STON2: variants seen among roughly 807,000 people sequenced by gnomAD.
The protein encoded by STON2 is stonin-2.
STON2 carries 29 observed loss-of-function variants against 65.7 expected under a neutral mutation model. The observed-to-expected ratio is 0.44, with a 90% CI of 0.33 to 0.60. The LOEUF is 0.60. Ranked by LOEUF, STON2 falls within the 20% of genes least tolerant of loss-of-function variation. The pLI, the probability that STON2 is intolerant of heterozygous loss-of-function variation, is 0.03. For missense variants in STON2, 1,054 were observed against 1,118.1 expected, an observed-to-expected ratio of 0.94 and a Z score of 0.82; for synonymous variants, 404 against 414.2, an observed-to-expected ratio of 0.98 and a Z score of 0.30.
intron 4 of STON2, among the ~76,000 whole-genome samples, chr14:81,348,612 T>C (rs1158291169): frequency 6.6e-6 from 1 of 152,068 alleles, no homozygotes; most frequent in Non-Finnish European, 1.5e-5. Context: ...ATCAAAAAAA[T>C]GGAAAGACAT....
At chr14:81,355,752 T>C (rs1288229191) in intron 4 of STON2, among the ~76,000 whole-genome samples, 1 of 152,204 alleles carries the variant, frequency 6.6e-6, no homozygotes, top group Non-Finnish European at 1.5e-5. Flanking sequence ...CCTAGGTATT[T>C]TATTGTCTTT....
At chr14:81,397,766 G>T (rs1233762295) in intron 2 of STON2, among the ~76,000 whole-genome samples, 1 of 152,104 alleles carries the variant, frequency 6.6e-6, no homozygotes, top group Non-Finnish European at 1.5e-5. Flanking sequence ...CTTTCCACGT[G>T]CCAGGCACTG....
At chr14:81,363,589 T>C (rs1898592138) in intron 4 of STON2, among the ~76,000 whole-genome samples, 1 of 151,966 alleles carries the variant, frequency 6.6e-6, no homozygotes, top group African/African-American at 2.4e-5. Flanking sequence ...TGAGGTCAAA[T>C]TTGTTAATGA....
chr14:81,273,747 G>A (rs1354643843), intron 6 of STON2, among the ~76,000 whole-genome samples: 2 of 152,174 alleles, frequency 1.3e-5, no homozygotes, highest in East Asian at 3.9e-4. Context: ...GCAACACAAG[G>A]GTGCTGACCT....
At position 81,278,223 on chromosome 14, in the gene STON2, T is replaced by G. The variant is rs764492594; in HGVS notation, c.1259A>C (p.Tyr420Ser). 4 of 1,614,042 alleles carry G rather than the reference T, an allele frequency of 2.5e-6. No homozygotes were observed. The highest frequency in any genetic ancestry group is 3.4e-6 in the Non-Finnish European group (4 of 1,180,024). The change falls in exon 6 of 8, where the codon TAC (tyrosine) becomes TCC (serine). Residue 420 changes from tyrosine to serine, a missense_variant. Physicochemically the swap from Tyr to Ser is moderately radical, Grantham distance 144 (BLOSUM62 -2). Coordinates refer to ENST00000614646, the MANE Select transcript of STON2 (RefSeq NM_001394390.1). ...KSQRDSLIVI[Y>S]QDAISFDDSS... The stretch of plus-strand genomic sequence containing the variant: ...ATCATCAAAACTGATGGCATCCTGG[T>G]AGATGACAATGAGGGAATCTCTTTG...
At chr14:81,417,352 T>C (rs1048936615) in intron 2 of STON2, among the ~76,000 whole-genome samples, 30 of 142,622 alleles carry the variant, frequency 2.1e-4, no homozygotes, top group African/African-American at 7.9e-4. Context: ...AGCAAAGAAA[T>C]GTTGAATGTT....
chr14:81,393,393 C>G (rs1376841266), intron 3 of STON2, among the ~76,000 whole-genome samples: 2 of 152,068 alleles, frequency 1.3e-5, no homozygotes, highest in Non-Finnish European at 2.9e-5. Context: ...AATGAGGGAG[C>G]AGAGGATACT....
At chr14:81,330,321 G>C (rs1330160575) in intron 4 of STON2, among the ~76,000 whole-genome samples, 3 of 152,154 alleles carry the variant, frequency 2.0e-5, no homozygotes, top group African/African-American at 7.2e-5. Flanking sequence ...AGTCATGGTG[G>C]CCACTCACAA....
At chr14:81,282,571 A>G (rs1002151102) in intron 5 of STON2, among the ~76,000 whole-genome samples, 1 of 152,228 alleles carries the variant, frequency 6.6e-6, no homozygotes, top group African/African-American at 2.4e-5. Context: ...TATGTATTAG[A>G]AAGCTTTGGA....
At chr14:81,286,904 T>A (rs1207017741) in intron 5 of STON2, among the ~76,000 whole-genome samples, 1 of 152,224 alleles carries the variant, frequency 6.6e-6, no homozygotes, top group Non-Finnish European at 1.5e-5. Context: ...TAATTTTTAG[T>A]AACTCTAGTA....
chr14:81,388,365 C>T (rs538596175), intron 3 of STON2, among the ~76,000 whole-genome samples: 59 of 152,332 alleles, frequency 3.9e-4, no homozygotes, highest in African/African-American at 1.3e-3. Context: ...AAAGTTGTTG[C>T]CTTGATGATT....
At chr14:81,318,117 C>G (rs1362544253) in intron 5 of STON2, among the ~76,000 whole-genome samples, 1 of 152,054 alleles carries the variant, frequency 6.6e-6, no homozygotes, top group Non-Finnish European at 1.5e-5. Context: ...AGGCGTGCAC[C>G]ACCATGCCCG....
At chr14:81,271,253 T>G (rs1248336085) in intron 6 of STON2, among the ~76,000 whole-genome samples, 1 of 152,218 alleles carries the variant, frequency 6.6e-6, no homozygotes, top group Admixed American at 6.5e-5. Flanking sequence ...AAAATACCAA[T>G]GACAGCTTCC....
chr14:81,369,629 T>C (rs1056149610), intron 4 of STON2, among the ~76,000 whole-genome samples: 4 of 152,318 alleles, frequency 2.6e-5, no homozygotes, highest in Admixed American at 2.6e-4. Flanking sequence ...TTGGAGATGA[T>C]AACTTGGTGA....
Position 81,356,409 on chromosome 14 carries a change from C to A in STON2, c.571+14579G>T, listed in dbSNP as rs530197396. On this transcript the variant is annotated intron_variant, in intron 4 of 7. Coordinates refer to ENST00000614646, the MANE Select transcript of STON2 (RefSeq NM_001394390.1). ...TTGATGTGTTGCTGGATTCGGTTTG[C>A]CAGTATTTTATTGAGGATTTTTGCA... is the stretch of plus-strand genomic sequence containing the variant. Among the ~76,000 whole-genome samples, 31 of 152,242 alleles carry A rather than the reference C, an allele frequency of 2.0e-4. No homozygotes were observed. The South Asian group carries it at 6.4e-3, about 32-fold the overall frequency.
intron 2 of STON2, among the ~76,000 whole-genome samples, chr14:81,417,752 AG>A (rs1308472627): frequency 1.3e-5 from 2 of 152,190 alleles, no homozygotes; most frequent in Non-Finnish European, 2.9e-5. Context: ...GGGAATGAAT[AG>A]GTTATCAACA....
At chr14:81,350,203 G>A (rs554947210) in intron 4 of STON2, among the ~76,000 whole-genome samples, 2 of 152,156 alleles carry the variant, frequency 1.3e-5, no homozygotes, top group South Asian at 2.1e-4. Context: ...GAGAGAATAT[G>A]TGAAATGTTC....
chr14:81,300,174 G>A (rs1395596973), intron 5 of STON2, among the ~76,000 whole-genome samples: 1 of 151,986 alleles, frequency 6.6e-6, no homozygotes, highest in African/African-American at 2.4e-5. Flanking sequence ...TTTGGGCAAA[G>A]ATGCCATGGA....
chr14:81,373,861 A>G (rs1393917999), intron 3 of STON2, among the ~76,000 whole-genome samples: 1 of 152,144 alleles, frequency 6.6e-6, no homozygotes, highest in Non-Finnish European at 1.5e-5. Flanking sequence ...GAGAATTAAT[A>G]ACCACAAATT....
Sources: gnomAD v4.1 joint callset for allele counts (sites outside exome capture counted in the v4.1 genomes callset) on GRCh38, gnomAD v4.1.1 for gene constraint, MANE v1.5 for transcripts, NCBI Gene and HGNC (gene_info 2026-07-23, HGNC 2026-07-21) for gene names.